ZMIZ1: variants seen among roughly 807,000 people sequenced by gnomAD.
ZMIZ1 encodes zinc finger MIZ-type containing 1.
ZMIZ1 carries 17 observed loss-of-function variants against 113.9 expected under a neutral mutation model. The observed-to-expected ratio is 0.15, with a 90% confidence interval of 0.10 to 0.22. The LOEUF is 0.22. ZMIZ1 is among the 10% of genes least tolerant of loss of function. The probability of loss-of-function intolerance (pLI) is 1.00; values close to 1 mark genes in which losing one functional copy is unlikely to be tolerated. For synonymous variants in ZMIZ1, 607 were observed against 603.1 expected (o/e 1.01, Z -0.09); for missense variants, 1,059 against 1,477.8 (o/e 0.72, Z 4.65).
intron 23 of ZMIZ1, among the ~76,000 whole-genome samples, chr10:79,308,263 G>A (rs1178101533): frequency 6.6e-6 from 1 of 152,228 alleles, no homozygotes; most frequent in Non-Finnish European, 1.5e-5. Context: ...CTCTGCGCAG[G>A]CCATGTGACA....
At chr10:79,088,163 A>G (rs570899943) in intron 1 of ZMIZ1, among the ~76,000 whole-genome samples, 2 of 152,286 alleles carry the variant, frequency 1.3e-5, no homozygotes, top group South Asian at 2.1e-4. Context: ...GGGCCATGCC[A>G]GGCTCCCAGG....
chr10:79,243,128 CG>C (rs1849951943), intron 7 of ZMIZ1, among the ~76,000 whole-genome samples: 1 of 151,520 alleles, frequency 6.6e-6, no homozygotes, highest in South Asian at 2.1e-4. Flanking sequence ...CCCCTCCCCC[CG>C]CCGCGGCTGG....
At chr10:79,304,216 G>T (rs1644439404) in intron 19 of ZMIZ1, 41 bp downstream of exon 19, 1 of 1,591,984 alleles carries the variant, frequency 6.3e-7, no homozygotes, top group South Asian at 1.1e-5. Context: ...AAGCCACCTA[G>T]ACTCTGGCTG....
chr10:79,251,014 G>A (rs939249796), intron 7 of ZMIZ1, among the ~76,000 whole-genome samples: 1 of 152,174 alleles, frequency 6.6e-6, no homozygotes, highest in African/African-American at 2.4e-5. Context: ...GAAGCTGGGG[G>A]GCCAAAAGGG....
intron 1 of ZMIZ1, among the ~76,000 whole-genome samples, chr10:79,103,943 C>T (rs980718855): frequency 2.3e-4 from 35 of 152,176 alleles, no homozygotes; most frequent in African/African-American, 8.2e-4. Context: ...TGGCTGGATG[C>T]GAGCCCTGGT....
chr10:79,206,757 C>T (rs1848331628), intron 5 of ZMIZ1, among the ~76,000 whole-genome samples: 1 of 152,214 alleles, frequency 6.6e-6, no homozygotes, highest in Admixed American at 6.5e-5. Context: ...TTGCCAGGGG[C>T]TGTATAAGCC....
intron 1 of ZMIZ1, among the ~76,000 whole-genome samples, chr10:79,079,480 C>A (rs1051700850): frequency 6.6e-6 from 1 of 151,696 alleles, no homozygotes; most frequent in African/African-American, 2.4e-5. Flanking sequence ...CTTTCTCCCC[C>A]TCTTCCATTC....
rs1452265570 is a variant in ZMIZ1, at chr10:79,069,014, T to C, written c.-593T>C. On this transcript the variant is annotated 5_prime_UTR_variant, in exon 1 of 25. Transcript: ENST00000334512. The surrounding 1 kb of genome is among the most constrained non-coding windows in gnomAD (Gnocchi z 4.6). ...GTTCCTTTTCACTGTCTGTGGACATTAAAAAAGCGAGCGGCGGCGGCGGGC... is the reference window on the plus strand; with the variant it reads ...GTTCCTTTTCACTGTCTGTGGACATCAAAAAAGCGAGCGGCGGCGGCGGGC... 6.6e-6 allele frequency: 1 copy of C among 150,986 alleles called. No individual in the cohort carries two copies. 9.4% of individuals were successfully genotyped at this position (150,986 alleles called of 1,614,324 possible).
chr10:79,093,533 G>T (rs1048823012), intron 1 of ZMIZ1, among the ~76,000 whole-genome samples: 1 of 151,976 alleles, frequency 6.6e-6, no homozygotes, highest in African/African-American at 2.4e-5. Context: ...CACCATGTTG[G>T]CCAGGCTGGT....
chr10:79,216,252 C>A lies in ZMIZ1; in HGVS notation c.258C>A (p.Asp86Glu). The A allele has an allele frequency of 6.3e-7, 1 of 1,591,916 alleles. No homozygotes were observed. Reference sequence around the variant, plus strand: ...TGGCTGTGTGTGCTGCAAACCGAGACAAGTTCACCCCGAAGTCTGCCGGTA... The same window carrying A: ...TGGCTGTGTGTGCTGCAAACCGAGAAAAGTTCACCCCGAAGTCTGCCGGTA... ...RLLAVCAANR[D>E]KFTPKSAALL... Residue 86 changes from aspartate to glutamate, a missense_variant, in exon 7 of 25, where the codon GAC (aspartate) becomes GAA (glutamate). Coordinates refer to ENST00000334512, the MANE Select transcript of ZMIZ1 (RefSeq NM_020338.4).
chr10:79,218,502 C>CA (rs1848827446), intron 7 of ZMIZ1, among the ~76,000 whole-genome samples: 1 of 150,330 alleles, frequency 6.7e-6, no homozygotes, highest in African/African-American at 2.4e-5. Flanking sequence ...CAAGAAACAA[C>CA]AACAAAAAAA....
At chr10:79,246,413 C>T (rs774652556) in intron 7 of ZMIZ1, among the ~76,000 whole-genome samples, 6 of 152,154 alleles carry the variant, frequency 3.9e-5, no homozygotes, top group Non-Finnish European at 8.8e-5. Flanking sequence ...AAGGAGCGGG[C>T]GCGAGGCTCT....
intron 1 of ZMIZ1, among the ~76,000 whole-genome samples, chr10:79,106,636 C>A (rs1055930724): frequency 1.3e-5 from 2 of 152,234 alleles, no homozygotes; most frequent in African/African-American, 4.8e-5. Context: ...GGGACATCCC[C>A]CAACCACATT....
At chr10:79,274,285 G>A (rs1171962405) in intron 7 of ZMIZ1, among the ~76,000 whole-genome samples, 1 of 152,228 alleles carries the variant, frequency 6.6e-6, no homozygotes, top group African/African-American at 2.4e-5. Context: ...TGCCATTCTA[G>A]CAAGTGCACA....
chr10:79,305,260 TC>T (rs1439091776), intron 20 of ZMIZ1, 29 bp downstream of exon 20: 5 of 1,609,206 alleles, frequency 3.1e-6, no homozygotes, highest in Admixed American at 3.3e-5. Context: ...GGTGGGGGCT[TC>T]CCCCATCCCC....
At chr10:79,148,178 G>A (rs996960681) in intron 3 of ZMIZ1, among the ~76,000 whole-genome samples, 1 of 152,206 alleles carries the variant, frequency 6.6e-6, no homozygotes, top group Non-Finnish European at 1.5e-5. Context: ...AGCCAAGTCT[G>A]TATGGGGCCC....
At chr10:79,264,400 C>T (rs552100589) in intron 7 of ZMIZ1, among the ~76,000 whole-genome samples, 1 of 152,306 alleles carries the variant, frequency 6.6e-6, no homozygotes, top group African/African-American at 2.4e-5. Flanking sequence ...GACTGAGGCC[C>T]ATTGCTGGGG....
At chr10:79,194,357 C>T (rs778327679) in intron 4 of ZMIZ1, among the ~76,000 whole-genome samples, 2 of 152,220 alleles carry the variant, frequency 1.3e-5, no homozygotes, top group South Asian at 2.1e-4. Context: ...TCTCTGGGTG[C>T]GTGTGCATTA....
At chr10:79,120,391 C>T (rs1467763364) in intron 2 of ZMIZ1, among the ~76,000 whole-genome samples, 1 of 152,202 alleles carries the variant, frequency 6.6e-6, no homozygotes, top group Non-Finnish European at 1.5e-5. Context: ...ACACACAACG[C>T]AGGGTGCATT....
Sources: allele counts gnomAD v4.1 joint callset (sites outside exome capture counted in the v4.1 genomes callset), GRCh38; gene constraint gnomAD v4.1.1; non-coding constraint Gnocchi (gnomAD v3.1); transcripts MANE v1.5; gene names NCBI Gene and HGNC (gene_info 2026-07-23, HGNC 2026-07-21).